CNTNAP2: variants seen among roughly 807,000 people sequenced by gnomAD.
CNTNAP2 encodes the protein contactin-associated protein-like 2.
A neutral mutation model predicts 155.2 loss-of-function variants in CNTNAP2; 98 were observed. That is an observed-to-expected ratio of 0.63 (90% CI 0.54 to 0.75). CNTNAP2 has a LOEUF of 0.75. CNTNAP2 is among the 30% of genes least tolerant of loss of function. The pLI is 0.00. For synonymous variants in CNTNAP2, 651 were observed against 631.2 expected, an observed-to-expected ratio of 1.03 and a Z score of -0.47; for missense variants, 1,727 against 1,688.1, an observed-to-expected ratio of 1.02 and a Z score of -0.40.
At chr7:148,285,382 G>A (rs1797061449) in intron 21 of CNTNAP2, among the ~76,000 whole-genome samples, 1 of 152,190 alleles carries the variant, frequency 6.6e-6, no homozygotes, top group African/African-American at 2.4e-5. Flanking sequence ...TGACTGGGAG[G>A]AATTAGCATT....
intron 1 of CNTNAP2, among the ~76,000 whole-genome samples, chr7:146,725,507 C>T (rs1270646308): frequency 1.3e-5 from 2 of 152,022 alleles, no homozygotes; most frequent in African/African-American, 2.4e-5. Flanking sequence ...AATGAGAGAC[C>T]ACCAGGTTTA....
chr7:147,571,401 A>G (rs1347765319), intron 12 of CNTNAP2, among the ~76,000 whole-genome samples: 1 of 151,578 alleles, frequency 6.6e-6, no homozygotes, highest in Non-Finnish European at 1.5e-5. Context: ...TTTCTCTAAT[A>G]TAATTTTCTA....
chr7:148,216,418 TTCTC>T (rs1795638811), intron 18 of CNTNAP2, among the ~76,000 whole-genome samples: 1 of 152,210 alleles, frequency 6.6e-6, no homozygotes, highest in African/African-American at 2.4e-5. Flanking sequence ...TTGAACCCAG[TTCTC>T]TCTAACTTCA....
intron 12 of CNTNAP2, among the ~76,000 whole-genome samples, chr7:147,618,772 G>A (rs1257361752): frequency 6.6e-6 from 1 of 151,118 alleles, no homozygotes; most frequent in Non-Finnish European, 1.5e-5. Flanking sequence ...GGAAGGAATT[G>A]TTTTTTGCTT....
chr7:146,630,138 C>A (rs576765709), intron 1 of CNTNAP2, among the ~76,000 whole-genome samples: 4 of 152,018 alleles, frequency 2.6e-5, no homozygotes, highest in Non-Finnish European at 4.4e-5. Context: ...CCCCTAGCCC[C>A]TCATTCCTAG....
In CNTNAP2 at chr7:147,643,345, C is replaced by T. The variant is rs1795316560; in HGVS notation, c.2098+4039C>T. ...TATCGTAAAGTGAATTTCAGCTTAC[C>T]CTTCTGAGTCATTTTTTACACTCCC... On this transcript the variant is annotated intron_variant, in intron 13 of 23. Transcript: ENST00000361727. 4 of 152,034 alleles carry T rather than the reference C, an allele frequency of 2.6e-5. No homozygotes were observed. In the South Asian group the frequency reaches 8.3e-4, roughly 32 times the overall value. 9.4% of individuals were successfully genotyped at this position (152,034 alleles called of 1,614,324 possible). A position where few individuals can be genotyped will look rare whatever the true frequency, so the allele number is the denominator to read the frequency against.
At chr7:147,143,912 C>A (rs746779446) in intron 8 of CNTNAP2, among the ~76,000 whole-genome samples, 1 of 151,960 alleles carries the variant, frequency 6.6e-6, no homozygotes, top group Admixed American at 6.6e-5. Context: ...GTCATATTCC[C>A]TTTGTATTTA....
chr7:146,320,665 A>G (rs1800984947), intron 1 of CNTNAP2, among the ~76,000 whole-genome samples: 1 of 152,180 alleles, frequency 6.6e-6, no homozygotes, highest in Admixed American at 6.6e-5. Context: ...TTAATTGACC[A>G]AAACATAGCA....
At chr7:147,886,843 A>G (rs1446552716) in intron 13 of CNTNAP2, among the ~76,000 whole-genome samples, 1 of 152,138 alleles carries the variant, frequency 6.6e-6, no homozygotes, top group Non-Finnish European at 1.5e-5. Flanking sequence ...TCCTACTGAC[A>G]TTTCTTTCAA....
chr7:147,596,567 C>T (rs1457398961), intron 12 of CNTNAP2, among the ~76,000 whole-genome samples: 1 of 152,188 alleles, frequency 6.6e-6, no homozygotes. Context: ...TGCAGAATGG[C>T]TTCTTGCTAA....
At chr7:146,907,500 A>G (rs1457765934) in intron 3 of CNTNAP2, among the ~76,000 whole-genome samples, 3 of 135,260 alleles carry the variant, frequency 2.2e-5, no homozygotes, top group Non-Finnish European at 4.7e-5. Flanking sequence ...AATATTCAAC[A>G]TTCTTAAAGA....
chr7:147,432,992 T>A (rs1797491011), intron 10 of CNTNAP2, among the ~76,000 whole-genome samples: 1 of 152,194 alleles, frequency 6.6e-6, no homozygotes, highest in African/African-American at 2.4e-5. Flanking sequence ...AAAACACTGG[T>A]GCCTGGCAGT....
At chr7:146,726,937 A>G (rs1450852354) in intron 1 of CNTNAP2, among the ~76,000 whole-genome samples, 1 of 152,178 alleles carries the variant, frequency 6.6e-6, no homozygotes, top group African/African-American at 2.4e-5. Context: ...CATGCCCATT[A>G]AATATAACCA....
At chr7:148,024,171 A>AC (rs1802334818) in intron 15 of CNTNAP2, among the ~76,000 whole-genome samples, 1 of 151,304 alleles carries the variant, frequency 6.6e-6, no homozygotes. Context: ...AAAAAAAAAA[A>AC]AAAAAAAACT....
At chr7:148,000,510 C>T (rs58526779) in intron 15 of CNTNAP2, among the ~76,000 whole-genome samples, 10,038 of 152,156 alleles carry the variant, frequency 0.066, 739 homozygotes, top group African/African-American at 0.19. Context: ...ATTTTACAGA[C>T]GTGAAAACCA....
At chr7:148,195,947 C>A (rs779174287) in intron 18 of CNTNAP2, among the ~76,000 whole-genome samples, 28 of 152,194 alleles carry the variant, frequency 1.8e-4, no homozygotes, top group Non-Finnish European at 3.7e-4. Context: ...ATGCATTCTA[C>A]TGACCTGCAA....
intron 1 of CNTNAP2, among the ~76,000 whole-genome samples, chr7:146,335,665 A>T (rs1801262009): frequency 6.6e-6 from 1 of 152,174 alleles, no homozygotes; most frequent in South Asian, 2.1e-4. Context: ...TTTTAAAAAA[A>T]GTCTCCCTTT....
At chr7:147,143,423 ATTG>A (rs1212205973) in intron 8 of CNTNAP2, among the ~76,000 whole-genome samples, 2 of 152,170 alleles carry the variant, frequency 1.3e-5, no homozygotes, top group Non-Finnish European at 2.9e-5. Context: ...GATTTATTAT[ATTG>A]TTAAGATATT....
At chr7:146,659,293 G>T (rs1462416785) in intron 1 of CNTNAP2, among the ~76,000 whole-genome samples, 3 of 152,128 alleles carry the variant, frequency 2.0e-5, no homozygotes, top group Non-Finnish European at 4.4e-5. Context: ...AATTTAAATG[G>T]TCAAGGAAGG....
Sources: gnomAD v4.1 joint callset for allele counts (sites outside exome capture counted in the v4.1 genomes callset) on GRCh38, gnomAD v4.1.1 for gene constraint, MANE v1.5 for transcripts, NCBI Gene and HGNC (gene_info 2026-07-23, HGNC 2026-07-21) for gene names.